LRP1B: variants seen among roughly 807,000 people sequenced by gnomAD.
LRP1B encodes the protein low-density lipoprotein receptor-related protein 1B.
LRP1B carries 217 observed loss-of-function variants against 556.6 expected under a neutral mutation model. That is an observed-to-expected ratio of 0.39 (90% CI 0.35 to 0.44). The LOEUF is 0.44. Ranked by LOEUF, LRP1B falls within the 20% of genes least tolerant of loss-of-function variation. LRP1B has a pLI of 1.00. For synonymous variants in LRP1B, 2,047 were observed against 1,865.8 expected (o/e 1.10, Z -2.50); for missense variants, 5,053 against 5,620.8 (o/e 0.90, Z 3.23).
At chr2:141,186,355 C>CA (rs949029037) in intron 7 of LRP1B, among the ~76,000 whole-genome samples, 2 of 151,640 alleles carry the variant, frequency 1.3e-5, no homozygotes, top group Non-Finnish European at 2.9e-5. Context: ...TTTTTCTAAC[C>CA]AAAAAACTAT....
rs70994451 is a variant in LRP1B at position 141,753,262 on chromosome 2, C to CTATATATATATATATATATATATATA, written c.205+57016_205+57017insTATATATATATATATATATATATATA. ...AAACACACACACTCTCTCTCTCTCT[C>CTATATATATATATATATATATATATA]CATATATATATATATATATATCCCA... On this transcript the variant is annotated intron_variant, in intron 2 of 90. Coordinates refer to ENST00000389484, the MANE Select transcript of LRP1B (RefSeq NM_018557.3). Among the ~76,000 whole-genome samples the CTATATATATATATATATATATATATA allele has an allele frequency of 7.7e-4, 28 of 36,176 alleles. 1 individual carries two copies. The highest frequency in any genetic ancestry group is 1.3e-3 in the Non-Finnish European group (20 of 15,396). 23.7% of individuals were successfully genotyped at this position (36,176 alleles called of 152,430 possible).
chr2:141,630,273 A>G (rs1372185996), intron 2 of LRP1B, among the ~76,000 whole-genome samples: 1 of 152,216 alleles, frequency 6.6e-6, no homozygotes, highest in Non-Finnish European at 1.5e-5. Context: ...AGGCAAAGGT[A>G]AAAAGAATGA....
chr2:141,184,996 T>A (rs1043363348), intron 7 of LRP1B, among the ~76,000 whole-genome samples: 1 of 152,060 alleles, frequency 6.6e-6, no homozygotes, highest in Non-Finnish European at 1.5e-5. Context: ...AAAAAGGTCA[T>A]CTTTGATGGG....
At chr2:141,086,574 T>TTCA (rs1700050890) in intron 7 of LRP1B, among the ~76,000 whole-genome samples, 1 of 151,908 alleles carries the variant, frequency 6.6e-6, no homozygotes, top group African/African-American at 2.4e-5. Context: ...AACATTTAAC[T>TTCA]GAATTGAACT....
At chr2:140,642,421 C>G (rs919819842) in intron 41 of LRP1B, among the ~76,000 whole-genome samples, 3 of 151,998 alleles carry the variant, frequency 2.0e-5, no homozygotes, top group Non-Finnish European at 4.4e-5. Flanking sequence ...CTTTTAGGTT[C>G]CAAAGTAAAT....
intron 43 of LRP1B, among the ~76,000 whole-genome samples, chr2:140,555,474 T>C (rs1680698992): frequency 6.6e-6 from 1 of 152,048 alleles, no homozygotes; most frequent in South Asian, 2.1e-4. Context: ...AGTAATTGTG[T>C]TTGTCATAAG....
At chr2:140,418,800 T>A (rs1373620197) in intron 66 of LRP1B, among the ~76,000 whole-genome samples, 1 of 152,094 alleles carries the variant, frequency 6.6e-6, no homozygotes, top group Non-Finnish European at 1.5e-5. Context: ...ACGAAAAATG[T>A]AATGTGGCTT....
At position 141,450,374 on chromosome 2, in the gene LRP1B, A is replaced by T. The variant is rs538282178; in HGVS notation, c.343+30022T>A. 2.1e-4 allele frequency among the ~76,000 whole-genome samples: 32 copies of T among 152,250 alleles called. 1 individual carries two copies. In the South Asian group the frequency reaches 6.4e-3, roughly 31 times the overall value. ...CTTGGGAAGGATATTTAACATCTTTAATCCTCAGTTTCTTCATTTGTGAGC... is the reference window on the plus strand; with the variant it reads ...CTTGGGAAGGATATTTAACATCTTTTATCCTCAGTTTCTTCATTTGTGAGC... On this transcript the variant is annotated intron_variant, in intron 3 of 90. Coordinates refer to ENST00000389484, the MANE Select transcript of LRP1B (RefSeq NM_018557.3).
At chr2:141,819,793 G>A (rs77794109) in intron 1 of LRP1B, among the ~76,000 whole-genome samples, 2 of 152,248 alleles carry the variant, frequency 1.3e-5, no homozygotes, top group Middle Eastern at 3.4e-3. Flanking sequence ...TGATGGATAT[G>A]CTAATTACCC....
intron 77 of LRP1B, among the ~76,000 whole-genome samples, chr2:140,338,460 C>T (rs757233874): frequency 4.6e-5 from 7 of 151,676 alleles, no homozygotes; most frequent in Non-Finnish European, 1.0e-4. Context: ...AAGGTGACAA[C>T]ATATTAACCT....
chr2:140,548,648 C>A (rs945895297), intron 43 of LRP1B, among the ~76,000 whole-genome samples: 2 of 151,992 alleles, frequency 1.3e-5, no homozygotes, highest in Non-Finnish European at 2.9e-5. Flanking sequence ...AATTGTCAGG[C>A]GTGGTGGCTC....
At position 141,166,021 on chromosome 2, in the gene LRP1B, T is replaced by A. The variant is rs533612904; in HGVS notation, c.1013+22400A>T. Among the ~76,000 whole-genome samples, 376 of 152,036 alleles carry A rather than the reference T, an allele frequency of 2.5e-3. 2 individuals are homozygous for A. The highest frequency in any genetic ancestry group is 6.8e-3 in the Middle Eastern group (2 of 294). On this transcript the variant is annotated intron_variant, in intron 7 of 90. Transcript: ENST00000389484. ...CCCTAGTGCAAGCAACCTCTACCCATCCTACACTATTGAAAGAGGCTCCCC... is the reference window on the plus strand; with the variant it reads ...CCCTAGTGCAAGCAACCTCTACCCAACCTACACTATTGAAAGAGGCTCCCC...
intron 7 of LRP1B, among the ~76,000 whole-genome samples, chr2:141,149,183 AG>A (rs1414049323): frequency 3.3e-5 from 5 of 152,026 alleles, no homozygotes; most frequent in Non-Finnish European, 7.4e-5. Flanking sequence ...CAGAATAAAA[AG>A]GGTTTTTTTT....
chr2:140,540,921 T>C (rs1680109081), intron 45 of LRP1B, 52 bp downstream of exon 45: 1 of 1,570,728 alleles, frequency 6.4e-7, no homozygotes, highest in Non-Finnish European at 8.7e-7. Context: ...CAGTGATGTG[T>C]GTGGAATTTG....
chr2:140,545,195 C>T (rs1234320806), intron 43 of LRP1B, among the ~76,000 whole-genome samples: 3 of 146,808 alleles, frequency 2.0e-5, no homozygotes, highest in South Asian at 2.1e-4. Flanking sequence ...AGTCCTTTGT[C>T]GGACTCATAG....
At chr2:141,684,701 TGGGATTATTTA>T (rs1425872604) in intron 2 of LRP1B, among the ~76,000 whole-genome samples, 1 of 152,030 alleles carries the variant, frequency 6.6e-6, no homozygotes, top group African/African-American at 2.4e-5. Context: ...GGAAGAAAGA[TGGGATTATTTA>T]GGAAAGCTCT....
intron 7 of LRP1B, among the ~76,000 whole-genome samples, chr2:141,185,500 C>A (rs1272836337): frequency 6.6e-6 from 1 of 151,834 alleles, no homozygotes; most frequent in Non-Finnish European, 1.5e-5. Context: ...TCTCTAGAAG[C>A]ATCTCTGGGA....
At chr2:141,208,876 C>CAAAAAAAAAAA (rs57659094) in intron 6 of LRP1B, among the ~76,000 whole-genome samples, 4 of 65,486 alleles carry the variant, frequency 6.1e-5, no homozygotes, top group Non-Finnish European at 8.4e-5. Context: ...GATTCCGTCT[C>CAAAAAAAAAAA]AAAAAAAAAA....
At chr2:141,951,496 C>T (rs766785804) in intron 1 of LRP1B, among the ~76,000 whole-genome samples, 18 of 152,198 alleles carry the variant, frequency 1.2e-4, no homozygotes, top group Non-Finnish European at 2.1e-4. Flanking sequence ...TTTTGCCTGT[C>T]GTTGCCACAA....
Sources: gnomAD v4.1 joint callset for allele counts (sites outside exome capture counted in the v4.1 genomes callset) on GRCh38, gnomAD v4.1.1 for gene constraint, MANE v1.5 for transcripts, NCBI Gene and HGNC (gene_info 2026-07-23, HGNC 2026-07-21) for gene names.